PDE4D: variants seen among roughly 807,000 people sequenced by gnomAD.
PDE4D encodes the protein 3',5'-cyclic-AMP phosphodiesterase 4D.
PDE4D carries 24 observed loss-of-function variants against 87.4 expected under a neutral mutation model. That is an observed-to-expected ratio of 0.27 (90% CI 0.20 to 0.39). PDE4D has a LOEUF of 0.39. PDE4D is among the 10% of genes least tolerant of loss of function. The pLI is 1.00. For synonymous variants in PDE4D, 384 were observed against 383.2 expected (o/e 1.00, Z -0.02); for missense variants, 714 against 1,041.0 (o/e 0.69, Z 4.32).
chr5:59,102,393 T>A (rs1561487649), intron 5 of PDE4D, among the ~76,000 whole-genome samples: 1 of 152,108 alleles, frequency 6.6e-6, no homozygotes, highest in Non-Finnish European at 1.5e-5. Flanking sequence ...GCCCCTACAT[T>A]TTTAATGCCT....
chr5:60,286,914 T>G (rs1752467499), intron 1 of PDE4D, among the ~76,000 whole-genome samples: 1 of 152,186 alleles, frequency 6.6e-6, no homozygotes, highest in East Asian at 1.9e-4. Context: ...GGATGAGAAC[T>G]TCCTGCAAAG....
intron 5 of PDE4D, among the ~76,000 whole-genome samples, chr5:59,092,075 C>T (rs1404966798): frequency 6.6e-6 from 1 of 152,154 alleles, no homozygotes; most frequent in African/African-American, 2.4e-5. Context: ...GACAACAGAG[C>T]ACACTTAATT....
chr5:59,739,317 G>A (rs1035367906), intron 1 of PDE4D, among the ~76,000 whole-genome samples: 1 of 152,086 alleles, frequency 6.6e-6, no homozygotes, highest in Non-Finnish European at 1.5e-5. Flanking sequence ...CTATTCGGGA[G>A]GCTGAGATGA....
chr5:60,169,126 G>A (rs1415553312), intron 2 of PDE4D, among the ~76,000 whole-genome samples: 1 of 152,078 alleles, frequency 6.6e-6, no homozygotes, highest in Non-Finnish European at 1.5e-5. Flanking sequence ...TAATCTCCAA[G>A]AACTATTTCA....
intron 1 of PDE4D, among the ~76,000 whole-genome samples, chr5:59,773,180 T>C (rs1176894747): frequency 6.6e-6 from 1 of 152,198 alleles, no homozygotes; most frequent in Admixed American, 6.5e-5. Context: ...CCCTTAATCC[T>C]TGCAATCATA....
At chr5:59,718,760 CAA>C (rs1382809306) in intron 1 of PDE4D, among the ~76,000 whole-genome samples, 1 of 152,070 alleles carries the variant, frequency 6.6e-6, no homozygotes, top group African/African-American at 2.4e-5. Context: ...ATGAAAGAAA[CAA>C]GTCATTGTTT....
At chr5:59,316,937 T>G (rs910424913) in intron 1 of PDE4D, among the ~76,000 whole-genome samples, 6 of 152,222 alleles carry the variant, frequency 3.9e-5, no homozygotes, top group Admixed American at 1.3e-4. Flanking sequence ...CAGGTTCAAG[T>G]GCTGCCTTCC....
chr5:59,497,089 C>T (rs1178827420), intron 1 of PDE4D, among the ~76,000 whole-genome samples: 2 of 152,116 alleles, frequency 1.3e-5, no homozygotes, highest in Non-Finnish European at 2.9e-5. Context: ...AGCCTTGGCG[C>T]CCTGAAAGCA....
At chr5:59,944,167 A>G (rs2152800301) in intron 3 of PDE4D, among the ~76,000 whole-genome samples, 2 of 152,352 alleles carry the variant, frequency 1.3e-5, no homozygotes, top group Middle Eastern at 6.8e-3. Flanking sequence ...TGGAAGATTA[A>G]GAAGAGTCAT....
chr5:59,702,856 T>G (rs559668026), intron 1 of PDE4D, among the ~76,000 whole-genome samples: 1 of 106,110 alleles, frequency 9.4e-6, no homozygotes, highest in African/African-American at 4.2e-5. Flanking sequence ...GGCAACAGAG[T>G]GAGACCCTGT....
At chr5:59,774,695 T>C (rs983700307) in intron 1 of PDE4D, among the ~76,000 whole-genome samples, 1 of 151,174 alleles carries the variant, frequency 6.6e-6, no homozygotes, top group African/African-American at 2.4e-5. Context: ...TTTTCTTTTT[T>C]TTTTTTTTCT....
At chr5:60,468,414 C>T (rs1747557044) in intron 1 of PDE4D, among the ~76,000 whole-genome samples, 1 of 152,102 alleles carries the variant, frequency 6.6e-6, no homozygotes, top group South Asian at 2.1e-4. Flanking sequence ...GCAGGGATTA[C>T]AGGCATGAGC....
intron 3 of PDE4D, among the ~76,000 whole-genome samples, chr5:59,974,562 C>G (rs1761110637): frequency 6.6e-6 from 1 of 152,168 alleles, no homozygotes; most frequent in Non-Finnish European, 1.5e-5. Context: ...GACACCATTG[C>G]AGACCTACTT....
chr5:60,036,167 G>A (rs1363811345), intron 2 of PDE4D, among the ~76,000 whole-genome samples: 4 of 152,180 alleles, frequency 2.6e-5, no homozygotes, highest in African/African-American at 9.6e-5. Flanking sequence ...AGATTTTACT[G>A]TTGGTTTTCT....
intron 1 of PDE4D, among the ~76,000 whole-genome samples, chr5:59,259,558 T>C (rs1761596980): frequency 6.6e-6 from 1 of 151,964 alleles, no homozygotes; most frequent in South Asian, 2.1e-4. Flanking sequence ...ATACAGAACA[T>C]GGCCATCTGG....
intron 1 of PDE4D, chr5:59,560,864 C>T (rs1050638660): frequency 1.3e-5 from 2 of 152,138 alleles, no homozygotes; most frequent in African/African-American, 4.8e-5. Context: ...TCCTGATGGC[C>T]AAAAGGTCTT....
At chr5:59,658,083 G>A (rs1007079136) in intron 1 of PDE4D, among the ~76,000 whole-genome samples, 4 of 151,850 alleles carry the variant, frequency 2.6e-5, no homozygotes, top group African/African-American at 7.3e-5. Context: ...CTTAATAAAC[G>A]CATATTAAGT....
intron 2 of PDE4D, among the ~76,000 whole-genome samples, chr5:60,006,493 C>T (rs914091726): frequency 2.6e-5 from 4 of 151,830 alleles, no homozygotes; most frequent in Non-Finnish European, 4.4e-5. Context: ...ACCATTTTAC[C>T]TAAGGCTGGC....
chr5:59,970,356 T>C (rs907966876), intron 3 of PDE4D, among the ~76,000 whole-genome samples: 1 of 151,970 alleles, frequency 6.6e-6, no homozygotes, highest in Admixed American at 6.5e-5. Flanking sequence ...AATTGACAAA[T>C]GGGATCTAAT....
Sources: gnomAD v4.1 joint callset for allele counts (sites outside exome capture counted in the v4.1 genomes callset) on GRCh38, gnomAD v4.1.1 for gene constraint, MANE v1.5 for transcripts, NCBI Gene and HGNC (gene_info 2026-07-23, HGNC 2026-07-21) for gene names.